Variants in USP48 observed in about 807,000 individuals in gnomAD.
The protein encoded by USP48 is ubiquitin carboxyl-terminal hydrolase 48.
In USP48, 43 loss-of-function variants were observed where a neutral mutation model predicts 150.7. The observed-to-expected ratio is 0.29, with a 90% CI of 0.22 to 0.37. The LOEUF is 0.37. Among genes scored for constraint, USP48 ranks in the 10% least tolerant of loss-of-function variants. USP48 has a pLI of 1.00. For synonymous variants in USP48, 396 were observed against 425.9 expected (o/e 0.93, Z 0.86); for missense variants, 813 against 1,249.6 (o/e 0.65, Z 5.27).
At position 21,695,177 on chromosome 1, in the gene USP48, A is replaced by G. The variant is rs1037751697; in HGVS notation, c.2772T>C (p.Tyr924=). The stretch of plus-strand genomic sequence containing the variant: ...GAATAACTTGCTTTTGATAGGCTAT[A>G]TAATTTTGATGGGATATCTTTTGCC... The part of the protein sequence containing the change: ...TKRQKISHQN[Y]IAYQKQVIRR... Residue 924 remains tyrosine (Y), a synonymous_variant, in exon 23 of 27, where the codon TAT becomes TAC. Transcript: ENST00000308271. 1 of 1,613,174 alleles carries G rather than the reference A, an allele frequency of 6.2e-7. No individual in the cohort carries two copies. The highest frequency in any genetic ancestry group is 1.3e-5 in the African/African-American group (1 of 75,024).
chr1:21,687,058 T>C (rs1423653240), intron 25 of USP48, 133 bp downstream of exon 25: 5 of 803,322 alleles, frequency 6.2e-6, no homozygotes, highest in African/African-American at 1.7e-5. Flanking sequence ...GATAATGTAT[T>C]CTACTGTAAC....
intron 15 of USP48, among the ~76,000 whole-genome samples, chr1:21,714,432 C>T (rs1002016988): frequency 1.6e-4 from 24 of 152,118 alleles, no homozygotes; most frequent in African/African-American, 5.8e-4. Context: ...ACCAAACCCA[C>T]TTAATATTTT....
intron 23 of USP48, among the ~76,000 whole-genome samples, chr1:21,694,608 C>CAAAAAAA (rs1491189889): frequency 0.011 from 310 of 28,984 alleles, 12 homozygotes; most frequent in African/African-American, 0.031. Flanking sequence ...AAAAAAAAAA[C>CAAAAAAA]CCCCTCTATC....
intron 15 of USP48, among the ~76,000 whole-genome samples, chr1:21,710,332 C>T (rs1157157311): frequency 6.6e-6 from 1 of 152,090 alleles, no homozygotes; most frequent in Non-Finnish European, 1.5e-5. Context: ...ATAAATGACC[C>T]TCAACCCCTC....
chr1:21,774,807 C>T (rs2097893235), intron 1 of USP48, among the ~76,000 whole-genome samples: 1 of 151,708 alleles, frequency 6.6e-6, no homozygotes. Flanking sequence ...GCCTGGCCAA[C>T]ATGGTGAAAC....
intron 1 of USP48, chr1:21,782,132 C>T (rs955236735): frequency 2.6e-5 from 4 of 152,104 alleles, no homozygotes; most frequent in African/African-American, 9.7e-5. Context: ...CTATAGTTCC[C>T]GCGTTACAAG....
At chr1:21,747,218 G>T in intron 7 of USP48, 69 bp from the exon 8 acceptor site, 2 of 1,119,328 alleles carry the variant, frequency 1.8e-6, no homozygotes, top group Non-Finnish European at 1.3e-6. Context: ...AGCTCTATTA[G>T]CTATTTTAAT....
intron 15 of USP48, among the ~76,000 whole-genome samples, chr1:21,713,406 G>A (rs900939521): frequency 6.6e-6 from 1 of 152,138 alleles, no homozygotes; most frequent in African/African-American, 2.4e-5. Flanking sequence ...CACTGTGCCC[G>A]GCCTCTTATG....
intron 1 of USP48, among the ~76,000 whole-genome samples, chr1:21,771,682 G>A (rs2097881112): frequency 6.6e-6 from 1 of 151,914 alleles, no homozygotes; most frequent in South Asian, 2.1e-4. Context: ...CACTTTGGGA[G>A]GCGAAGGCAG....
chr1:21,779,324 C>G (rs2097908720), intron 1 of USP48, among the ~76,000 whole-genome samples: 1 of 152,002 alleles, frequency 6.6e-6, no homozygotes, highest in South Asian at 2.1e-4. Flanking sequence ...GTAGGTGGAT[C>G]ACCTGAGGTC....
chr1:21,745,220 A>G (rs1349321157), intron 8 of USP48, among the ~76,000 whole-genome samples: 3 of 152,230 alleles, frequency 2.0e-5, no homozygotes, highest in South Asian at 4.1e-4. Flanking sequence ...AGACAAGCCT[A>G]TAACTATAAA....
intron 23 of USP48, among the ~76,000 whole-genome samples, chr1:21,694,657 A>C (rs541575993): frequency 6.8e-6 from 1 of 147,552 alleles, no homozygotes; most frequent in Non-Finnish European, 1.5e-5. Context: ...ATACTGTGAC[A>C]GCCTAGTGAA....
At chr1:21,710,334 C>A (rs1356073361) in intron 15 of USP48, among the ~76,000 whole-genome samples, 4 of 152,152 alleles carry the variant, frequency 2.6e-5, no homozygotes, top group African/African-American at 9.7e-5. Context: ...AAATGACCCT[C>A]AACCCCTCAC....
chr1:21,736,409 A>G, intron 9 of USP48, 37 bp downstream of exon 9: 2 of 1,528,590 alleles, frequency 1.3e-6, no homozygotes, highest in Non-Finnish European at 1.8e-6. Flanking sequence ...AAATAAATTT[A>G]TATTTTAAAA....
rs1425938009 is a variant in USP48, at chr1:21,748,133, T to G, written c.908+5A>C. Reference sequence around the variant, plus strand: ...CAACAAACACTAATATTTGCACACATTTACCTGTCAAAGACAAAACGCATT... The same window carrying G: ...CAACAAACACTAATATTTGCACACAGTTACCTGTCAAAGACAAAACGCATT... On this transcript the variant is annotated splice_donor_5th_base_variant and intron_variant, in intron 7 of 26. Coordinates refer to ENST00000308271, the MANE Select transcript of USP48 (RefSeq NM_032236.8). The G allele has an allele frequency of 1.9e-6, 3 of 1,612,558 alleles. No individual in the cohort carries two copies. Among genetic ancestry groups the G allele is most frequent in the Non-Finnish European group, 2.5e-6 (3 of 1,179,356 alleles).
chr1:21,724,720 T>C (rs1158788495), intron 11 of USP48: 1 of 152,320 alleles, frequency 6.6e-6, no homozygotes, highest in African/African-American at 2.4e-5. Flanking sequence ...TTATTATTTA[T>C]TTCAAGAAAG....
chr1:21,760,437 C>T lies in USP48; in HGVS notation c.135-2654G>A, dbSNP rs180848594. On this transcript the variant is annotated intron_variant, in intron 1 of 26. Transcript: ENST00000308271. ...GCTGTCAAAAAATAAAAAGGTAGGC[C>T]GGGCACAGTGGCTCACGCCTGTAAT... Among the ~76,000 whole-genome samples, 14 of 152,324 alleles carry T rather than the reference C, an allele frequency of 9.2e-5. No individual in the cohort carries two copies. In the East Asian group the frequency reaches 1.3e-3, roughly 15 times the overall value.
In USP48 at chr1:21,679,207, G is replaced by A. The variant is rs1233580057; in HGVS notation, c.*210C>T. 4.7e-6 allele frequency: 2 copies of A among 424,446 alleles called. No individual in the cohort carries two copies. Among genetic ancestry groups the A allele is most frequent in the South Asian group, 2.2e-5 (1 of 44,964 alleles). The allele number at this position is 424,446 out of a possible 1,614,324, so 26.3% of individuals were successfully genotyped here. A position where few individuals can be genotyped will look rare whatever the true frequency, so the allele number is the denominator to read the frequency against. ...ACCACCCCCCTTAAATATAAAATTG[G>A]AAACATTTCCTTCAAGTCTGATGTC... On this transcript the variant is annotated 3_prime_UTR_variant, in exon 27 of 27. Coordinates refer to ENST00000308271, the MANE Select transcript of USP48 (RefSeq NM_032236.8).
chr1:21,715,617 T>C (rs2097702093), intron 14 of USP48, among the ~76,000 whole-genome samples, 160 bp from the exon 15 acceptor site: 1 of 152,248 alleles, frequency 6.6e-6, no homozygotes, highest in Non-Finnish European at 1.5e-5. Flanking sequence ...AAAAGTGTTA[T>C]ATTTCTTTCC....
Sources: gnomAD v4.1 joint callset for allele counts (sites outside exome capture counted in the v4.1 genomes callset) on GRCh38, gnomAD v4.1.1 for gene constraint, MANE v1.5 for transcripts, NCBI Gene and HGNC (gene_info 2026-07-23, HGNC 2026-07-21) for gene names.